Variants in GUCY2C observed in about 807,000 individuals in gnomAD.
GUCY2C encodes guanylate cyclase 2C.
A neutral mutation model predicts 131.1 loss-of-function variants in GUCY2C; 118 were observed. The ratio of observed to expected loss-of-function variants is 0.90; its 90% confidence interval spans 0.78 to 1.05. GUCY2C has a LOEUF of 1.05. Ranked by LOEUF, GUCY2C falls within the 50% of genes least tolerant of loss-of-function variation. GUCY2C has a pLI of 0.00. For synonymous variants in GUCY2C, 452 were observed against 457.8 expected (o/e 0.99, Z 0.16); for missense variants, 1,161 against 1,304.4 (o/e 0.89, Z 1.69).
chr12:14,618,178 G>T (rs530343505), intron 24 of GUCY2C, among the ~76,000 whole-genome samples: 2 of 152,118 alleles, frequency 1.3e-5, no homozygotes, highest in African/African-American at 2.4e-5. Context: ...ATATTCCTTC[G>T]TATATAACAA....
intron 15 of GUCY2C, 55 bp downstream of exon 15, chr12:14,651,352 G>T (rs2137038465): frequency 3.5e-6 from 3 of 866,214 alleles, no homozygotes; most frequent in South Asian, 2.9e-5. Flanking sequence ...ATTTTAAAAG[G>T]CCTGCTGAAT....
intron 10 of GUCY2C, among the ~76,000 whole-genome samples, chr12:14,663,956 A>G (rs1292374057): frequency 6.6e-6 from 1 of 152,222 alleles, no homozygotes; most frequent in Non-Finnish European, 1.5e-5. Context: ...TGTCATATGT[A>G]TTTTAAAACT....
chr12:14,664,112 A>G (rs1947922055), intron 10 of GUCY2C, among the ~76,000 whole-genome samples: 1 of 152,118 alleles, frequency 6.6e-6, no homozygotes, highest in Admixed American at 6.5e-5. Flanking sequence ...TTTTGTGTTC[A>G]TGGGAAATTT....
chr12:14,617,400 A>C (rs1360926185), intron 24 of GUCY2C, among the ~76,000 whole-genome samples: 1 of 152,130 alleles, frequency 6.6e-6, no homozygotes, highest in African/African-American at 2.4e-5. Context: ...ATAGATTCTC[A>C]TTCCAGCTCA....
At position 14,676,914 on chromosome 12, in the gene GUCY2C, A is replaced by T; in HGVS notation, c.888T>A (p.Val296=). Residue 296 remains valine (V), a synonymous_variant, in exon 7 of 27, where the codon GTT becomes GTA. Transcript: ENST00000261170. ...GGGAATTCCCAGGAGACAGCGTCAGAACAAGGACATTTTTCATATAGTCAG... is the reference window on the plus strand; with the variant it reads ...GGGAATTCCCAGGAGACAGCGTCAGTACAAGGACATTTTTCATATAGTCAG... The part of the protein sequence containing the change: ...TAPDYMKNVL[V]LTLSPGNSLL... 1 of 1,577,924 alleles carries T rather than the reference A, an allele frequency of 6.3e-7. No homozygotes were observed. The highest frequency in any genetic ancestry group is 8.7e-7 in the Non-Finnish European group (1 of 1,154,838).
At chr12:14,644,627 A>G (rs1184385108) in intron 16 of GUCY2C, among the ~76,000 whole-genome samples, 1 of 151,324 alleles carries the variant, frequency 6.6e-6, no homozygotes, top group Non-Finnish European at 1.5e-5. Flanking sequence ...ACTGGTGTCC[A>G]CTCTGTTTTC....
intron 17 of GUCY2C, among the ~76,000 whole-genome samples, chr12:14,643,358 G>C (rs1947447977): frequency 6.6e-6 from 1 of 152,104 alleles, no homozygotes; most frequent in Non-Finnish European, 1.5e-5. Flanking sequence ...TGTAGCAAGG[G>C]ACGCATGGAT....
chr12:14,662,353 T>C (rs935382541), intron 10 of GUCY2C, among the ~76,000 whole-genome samples: 2 of 152,060 alleles, frequency 1.3e-5, no homozygotes, highest in African/African-American at 4.8e-5. Flanking sequence ...TTTTCCTTTG[T>C]GGTACAAAAG....
At chr12:14,637,379 T>C (rs1048622762) in intron 19 of GUCY2C, among the ~76,000 whole-genome samples, 2 of 152,116 alleles carry the variant, frequency 1.3e-5, no homozygotes, top group Admixed American at 6.5e-5. Context: ...AATCTATAGA[T>C]TCAATGTAAT....
chr12:14,686,109 CTTTAAG>C, intron 3 of GUCY2C, 46 bp downstream of exon 3: 1 of 1,115,540 alleles, frequency 9.0e-7, no homozygotes, highest in Non-Finnish European at 1.4e-6. Flanking sequence ...TTGATGAGTC[CTTTAAG>C]TTGCAATATC....
intron 10 of GUCY2C, among the ~76,000 whole-genome samples, chr12:14,661,451 CT>C (rs1219707006): frequency 2.0e-5 from 3 of 150,856 alleles, no homozygotes; most frequent in Non-Finnish European, 4.4e-5. Context: ...ATTTTTTTTT[CT>C]TTTTGAGACA....
At chr12:14,664,694 T>C (rs1947935221) in intron 10 of GUCY2C, among the ~76,000 whole-genome samples, 1 of 152,186 alleles carries the variant, frequency 6.6e-6, no homozygotes, top group Non-Finnish European at 1.5e-5. Context: ...CTCAAGGTCA[T>C]ATGATATTAC....
chr12:14,655,140 T>C (rs1228130985), intron 12 of GUCY2C, among the ~76,000 whole-genome samples: 1 of 152,204 alleles, frequency 6.6e-6, no homozygotes, highest in Non-Finnish European at 1.5e-5. Context: ...GAACCTCTTT[T>C]GGTTTTGAGT....
intron 2 of GUCY2C, 95 bp from the exon 3 acceptor site, chr12:14,686,320 G>A: frequency 1.1e-6 from 1 of 889,630 alleles, no homozygotes; most frequent in Non-Finnish European, 1.8e-6. Context: ...CAGAGGTTTA[G>A]AAAGTTGGGC....
intron 11 of GUCY2C, among the ~76,000 whole-genome samples, chr12:14,658,845 T>C (rs978992437): frequency 6.6e-6 from 1 of 151,008 alleles, no homozygotes; most frequent in Non-Finnish European, 1.5e-5. Context: ...ATTTTAGATA[T>C]ATAATAATAA....
chr12:14,663,141 T>A (rs1947903500), intron 10 of GUCY2C, among the ~76,000 whole-genome samples: 1 of 152,038 alleles, frequency 6.6e-6, no homozygotes, highest in Admixed American at 6.5e-5. Context: ...AATCAAGAAA[T>A]AGAAGCATAT....
chr12:14,678,169 A>G (rs1025174227), intron 6 of GUCY2C, among the ~76,000 whole-genome samples: 3 of 152,130 alleles, frequency 2.0e-5, no homozygotes, highest in African/African-American at 4.8e-5. Flanking sequence ...TGGATATTTT[A>G]CTCCTATTAT....
intron 16 of GUCY2C, among the ~76,000 whole-genome samples, chr12:14,644,971 C>T (rs1947489662): frequency 6.6e-6 from 1 of 152,000 alleles, no homozygotes; most frequent in Admixed American, 6.6e-5. Flanking sequence ...CTGCATGCCT[C>T]ACACCCAGAC....
In GUCY2C at chr12:14,669,726, G is replaced by A. The variant is rs751905574; in HGVS notation, c.1278C>T (p.Gly426=). ...AATTCATTAGGGATATCTTACCCCG[G>A]CCTGTAATATCATTAGGAAGTTTAG... is the stretch of plus-strand genomic sequence containing the variant. The part of the protein sequence containing the change: ...KNSKLPNDIT[G]RGPQILMIAV... Residue 426 remains glycine, a synonymous_variant, in exon 10 of 27, where the codon GGC becomes GGT. Coordinates refer to ENST00000261170, the MANE Select transcript of GUCY2C (RefSeq NM_004963.4). 4 of 1,495,268 alleles carry A rather than the reference G, an allele frequency of 2.7e-6. No individual in the cohort carries two copies. The highest frequency in any genetic ancestry group is 3.5e-5 in the Admixed American group (2 of 57,522). 92.6% of individuals were successfully genotyped at this position (1,495,268 alleles called of 1,614,324 possible). A position where few individuals can be genotyped will look rare whatever the true frequency, so the allele number is the denominator to read the frequency against.
Sources: gnomAD v4.1 joint callset for allele counts (sites outside exome capture counted in the v4.1 genomes callset) on GRCh38, gnomAD v4.1.1 for gene constraint, MANE v1.5 for transcripts, NCBI Gene and HGNC (gene_info 2026-07-23, HGNC 2026-07-21) for gene names.